The following ASGR1 variants were observed in gnomAD, a reference collection of about 807,000 sequenced individuals.
ASGR1 encodes the protein C-type lectin domain family 4 member H1.
In ASGR1, 35 loss-of-function variants were observed where a neutral mutation model predicts 33.1. The ratio of observed to expected loss-of-function variants is 1.06; its 90% CI spans 0.81 to 1.40. ASGR1 has a LOEUF of 1.40. Ranked by LOEUF, ASGR1 falls within the 40% of genes most tolerant of loss-of-function variation. ASGR1 has a pLI of 0.00. For synonymous variants in ASGR1, 142 were observed against 152.5 expected (o/e 0.93, Z 0.51); for missense variants, 396 against 373.7 (o/e 1.06, Z -0.49).
At chr17:7,178,399 A>C in intron 2 of ASGR1, 95 bp downstream of exon 2, 3 of 1,297,664 alleles carry the variant, frequency 2.3e-6, no homozygotes, top group East Asian at 2.3e-5. Flanking sequence ...ACCCAGAGAG[A>C]GAGCCAGGCT....
At chr17:7,177,395 AG>A in intron 2 of ASGR1, 69 bp from the exon 3 acceptor site, 1 of 1,329,920 alleles carries the variant, frequency 7.5e-7, no homozygotes, top group Non-Finnish European at 1.1e-6. Context: ...GGGTCCTAAA[AG>A]GGTAGCAAGC....
intron 5 of ASGR1, among the ~76,000 whole-genome samples, chr17:7,176,228 C>G (rs2142765367): frequency 6.9e-6 from 1 of 144,206 alleles, no homozygotes; most frequent in South Asian, 2.2e-4. Context: ...CAAACACACA[C>G]ACACTCACAG....
intron 5 of ASGR1, chr17:7,176,527 C>CA (rs2069212676): frequency 2.6e-5 from 11 of 415,294 alleles, no homozygotes; most frequent in Non-Finnish European, 4.2e-5. Context: ...CCTCTCATTC[C>CA]CACACACACA....
In ASGR1 at chr17:7,173,973, T is replaced by TCGTAGTCCGTCC. The variant is rs774881423; in HGVS notation, c.677_688dup (p.Gly226_Tyr229dup). 4 of 1,614,186 alleles carry TCGTAGTCCGTCC rather than the reference T, an allele frequency of 2.5e-6. No homozygotes were observed. The highest frequency in any genetic ancestry group is 3.4e-6 in the Non-Finnish European group (4 of 1,179,986). The stretch of plus-strand genomic sequence containing the variant: ...GGCGCGCACTCACTTGAAGCCCGTC[T>TCGTAGTCCGTCC]CGTAGTCCGTCCCGTCCACCCACTT... On this transcript the variant is annotated inframe_insertion, in exon 8 of 9. Transcript: ENST00000269299. This position sits in a 1 kb window ranked among gnomAD's most constrained non-coding sequence, Gnocchi z 4.7.
chr17:7,176,678 A>C, intron 5 of ASGR1, 152 bp downstream of exon 5: 5 of 1,086,110 alleles, frequency 4.6e-6, no homozygotes, highest in Non-Finnish European at 6.5e-6. Flanking sequence ...CCCAAAACAC[A>C]CTCCCCCTCA....
chr17:7,177,175 C>G (rs776957193), intron 3 of ASGR1, 35 bp downstream of exon 3: 1 of 1,612,898 alleles, frequency 6.2e-7, no homozygotes, highest in East Asian at 2.2e-5. Context: ...CAACACCCCC[C>G]AATGTTGCCC....
chr17:7,178,456 A>T (rs200273995), intron 2 of ASGR1, 38 bp downstream of exon 2: 27 of 1,600,028 alleles, frequency 1.7e-5, no homozygotes, highest in Non-Finnish European at 2.0e-5. Flanking sequence ...GAACCGCCAA[A>T]TTCTCGCCTT....
rs780568875 is a variant in ASGR1, at chr17:7,173,881, G to A, written c.702-48C>T. 9 of 1,606,996 alleles carry A rather than the reference G, an allele frequency of 5.6e-6. No homozygotes were observed. The African/African-American group carries it at 1.1e-4, about 19-fold the overall frequency. Reference sequence around the variant, plus strand: ...GCCCCAGGAGGTCGGATCCGCAGGCGGGTCGCTCCAGACTCCTCAGCCCAG... The same window carrying A: ...GCCCCAGGAGGTCGGATCCGCAGGCAGGTCGCTCCAGACTCCTCAGCCCAG... On this transcript the variant is annotated intron_variant, in intron 8 of 8. Transcript: ENST00000269299. The surrounding 1 kb of genome is among the most constrained non-coding windows in gnomAD (Gnocchi z 4.7).
Position 7,173,601 on chromosome 17 carries a change from G to A in ASGR1, c.*58C>T, listed in dbSNP as rs377600937. On this transcript the variant is annotated 3_prime_UTR_variant, in exon 9 of 9. Transcript: ENST00000269299. The surrounding 1 kb of genome is among the most constrained non-coding windows in gnomAD (Gnocchi z 4.7). ...CCCGAGAAAGCAGAAGAGGCCCCCA[G>A]ATGGGCGGATTCCCAATCCCGGACC... 5.9e-5 allele frequency: 95 copies of A among 1,606,054 alleles called. No individual in the cohort carries two copies. In the African/African-American group the frequency reaches 1.0e-3, roughly 17 times the overall value.
At chr17:7,176,742 CCA>C (rs573334419) in intron 5 of ASGR1, 86 bp downstream of exon 5, 86 of 1,543,534 alleles carry the variant, frequency 5.6e-5, no homozygotes, top group African/African-American at 4.0e-4. Flanking sequence ...TCACACACAT[CCA>C]CACACACTCA....
At position 7,176,046 on chromosome 17, in the gene ASGR1, TCA is replaced by T. The variant is rs138787215; in HGVS notation, c.355+782_355+783del. 1.0e-4 allele frequency among the ~76,000 whole-genome samples: 15 copies of T among 149,918 alleles called. No homozygotes were observed. The East Asian group carries it at 1.8e-3, about 18-fold the overall frequency. On this transcript the variant is annotated intron_variant, in intron 5 of 8. Transcript: ENST00000269299. The stretch of plus-strand genomic sequence containing the variant: ...CTCGTACACACACCCACTCCCTCAT[TCA>T]CACAGACTCACACACCCATCCACTC...
chr17:7,174,660 ACACT>A lies in ASGR1; in HGVS notation c.356-204_356-201del, dbSNP rs776554055. 2.2e-3 allele frequency among the ~76,000 whole-genome samples: 329 copies of A among 150,898 alleles called. 1 individual carries two copies. The highest frequency in any genetic ancestry group is 6.9e-3 in the African/African-American group (285 of 41,132). On this transcript the variant is annotated intron_variant, in intron 5 of 8. Transcript: ENST00000269299. ...ACACACACAACACACCCTTACACAC[ACACT>A]CACACAGACACACAACACATCCTAA...
At chr17:7,176,405 TCA>T (rs1822641981) in intron 5 of ASGR1, among the ~76,000 whole-genome samples, 1 of 141,154 alleles carries the variant, frequency 7.1e-6, no homozygotes, top group African/African-American at 2.7e-5. Flanking sequence ...CACCTCATTA[TCA>T]CACTCACAGA....
At chr17:7,178,460 T>A (rs758132232) in intron 2 of ASGR1, 34 bp downstream of exon 2, 1 of 1,604,986 alleles carries the variant, frequency 6.2e-7, no homozygotes, top group Non-Finnish European at 8.5e-7. Context: ...CGCCAAATTC[T>A]CGCCTTGCAG....
intron 5 of ASGR1, among the ~76,000 whole-genome samples, chr17:7,175,574 T>C (rs890574575): frequency 6.6e-6 from 1 of 150,734 alleles, no homozygotes; most frequent in African/African-American, 2.5e-5. Flanking sequence ...ATACACACAC[T>C]CACATGCACT....
intron 5 of ASGR1, among the ~76,000 whole-genome samples, chr17:7,176,321 A>C: frequency 7.6e-6 from 1 of 132,446 alleles, no homozygotes; most frequent in African/African-American, 3.0e-5. Context: ...TCAGACACAA[A>C]CACCCCTCAT....
At chr17:7,176,939 C>T (rs913637471) in intron 4 of ASGR1, 38 bp from the exon 5 acceptor site, 4 of 1,571,694 alleles carry the variant, frequency 2.5e-6, no homozygotes, top group Non-Finnish European at 3.5e-6. Flanking sequence ...CGACAGCCCC[C>T]CAGCCCCAGC....
chr17:7,175,716 CAT>C (rs969846361), intron 5 of ASGR1, among the ~76,000 whole-genome samples: 10 of 150,630 alleles, frequency 6.6e-5, no homozygotes, highest in East Asian at 5.8e-4. Context: ...TTCTCACACA[CAT>C]AAACACACAG....
chr17:7,174,391 G>T lies in ASGR1; in HGVS notation c.425C>A (p.Ala142Glu). Residue 142 changes from alanine to glutamate, a missense_variant, in exon 6 of 9, where the codon GCG becomes GAG. Physicochemically the swap from Ala to Glu is moderately radical, Grantham distance 107 (BLOSUM62 -1). Coordinates refer to ENST00000269299, the MANE Select transcript of ASGR1 (RefSeq NM_001671.5). ...CTCCTTACCATTGCCCTGGAGCGCC[G>T]CCATCTGACAGCTCAGGCTCCGCAG... ...SDLRSLSCQM[A>E]ALQGNGSERT... 2 of 1,613,908 alleles carry T rather than the reference G, an allele frequency of 1.2e-6. No homozygotes were observed. The highest frequency in any genetic ancestry group is 1.1e-5 in the South Asian group (1 of 91,076).
Sources: gnomAD v4.1 joint callset for allele counts (sites outside exome capture counted in the v4.1 genomes callset) on GRCh38, gnomAD v4.1.1 for gene constraint, Gnocchi (gnomAD v3.1) non-coding constraint, MANE v1.5 for transcripts, NCBI Gene and HGNC (gene_info 2026-07-23, HGNC 2026-07-21) for gene names.